AGBL1: variants seen among roughly 807,000 people sequenced by gnomAD.
AGBL1 encodes the protein AGBL carboxypeptidase 1.
AGBL1 carries 130 observed loss-of-function variants against 118.9 expected under a neutral mutation model. The observed-to-expected ratio is 1.09, with a 90% CI of 0.95 to 1.26. AGBL1 has a LOEUF of 1.26. Among genes scored for constraint, AGBL1 ranks in the 50% most tolerant of loss-of-function variants. The probability of loss-of-function intolerance (pLI) is 0.00; values close to 1 mark genes in which losing one functional copy is unlikely to be tolerated. For missense variants in AGBL1, 1,584 were observed against 1,298.1 expected (o/e 1.22, Z -3.38); for synonymous variants, 555 against 478.9 (o/e 1.16, Z -2.08).
At chr15:86,972,000 ATT>A in intron 23 of AGBL1, among the ~76,000 whole-genome samples, 1 of 151,898 alleles carries the variant, frequency 6.6e-6, no homozygotes, top group Non-Finnish European at 1.5e-5. Context: ...TTCTGCCATG[ATT>A]CTAAGTTCCC....
At position 86,520,064 on chromosome 15, in the gene AGBL1, T is replaced by C. The variant is rs188055721; in HGVS notation, c.2556-2746T>C. Among the ~76,000 whole-genome samples, 212 of 152,306 alleles carry C rather than the reference T, an allele frequency of 1.4e-3. 4 individuals are homozygous for C. The highest frequency in any genetic ancestry group is 5.0e-3 in the African/African-American group (207 of 41,566). On this transcript the variant is annotated intron_variant, in intron 18 of 22. Coordinates refer to ENST00000614907, the MANE Select transcript of AGBL1 (RefSeq NM_001386094.1). ...ACCACAGCCTCTTGCCTGGAGTTCT[T>C]AGTCAAGACACTTCTCCCTTCCATT...
chr15:86,794,878 G>C (rs1314968318), intron 22 of AGBL1, among the ~76,000 whole-genome samples: 2 of 152,124 alleles, frequency 1.3e-5, no homozygotes, highest in Non-Finnish European at 2.9e-5. Context: ...ATTTTTTCTA[G>C]TTATGTTGAG....
intron 17 of AGBL1, among the ~76,000 whole-genome samples, chr15:86,360,211 C>G (rs1413266251): frequency 6.6e-6 from 1 of 151,480 alleles, no homozygotes; most frequent in Non-Finnish European, 1.5e-5. Flanking sequence ...AAGTAAGCCC[C>G]TTGTATGTCT....
chr15:86,943,734 AGCT>A (rs1159944893), intron 23 of AGBL1, among the ~76,000 whole-genome samples: 2 of 152,202 alleles, frequency 1.3e-5, no homozygotes, highest in Admixed American at 6.5e-5. Flanking sequence ...CTATTGGCAC[AGCT>A]GCTGGCATTT....
chr15:86,466,551 A>T (rs924606939), intron 18 of AGBL1, among the ~76,000 whole-genome samples: 5 of 152,154 alleles, frequency 3.3e-5, no homozygotes, highest in Non-Finnish European at 5.9e-5. Context: ...AGGAGTTGTG[A>T]TCCATTGGAG....
intron 22 of AGBL1, among the ~76,000 whole-genome samples, chr15:86,876,824 G>C (rs1489174212): frequency 2.0e-5 from 3 of 152,146 alleles, no homozygotes; most frequent in African/African-American, 4.8e-5. Context: ...TGTACTTTGG[G>C]CTCCCTAAGT....
chr15:86,261,398 C>A, intron 9 of AGBL1, among the ~76,000 whole-genome samples: 1 of 152,166 alleles, frequency 6.6e-6, no homozygotes, highest in Admixed American at 6.5e-5. Flanking sequence ...GGTGTGTATA[C>A]TGTACCTGAA....
At chr15:86,994,074 A>T (rs1438609101) in intron 24 of AGBL1, among the ~76,000 whole-genome samples, 1 of 152,084 alleles carries the variant, frequency 6.6e-6, no homozygotes, top group Non-Finnish European at 1.5e-5. Flanking sequence ...GCAGGTTCTG[A>T]AGAAGAACTC....
At chr15:86,423,107 T>A (rs2081814592) in intron 18 of AGBL1, among the ~76,000 whole-genome samples, 2 of 152,198 alleles carry the variant, frequency 1.3e-5, no homozygotes, top group South Asian at 4.1e-4. Context: ...ATCATCCTGA[T>A]ACCAAAACCT....
intron 22 of AGBL1, among the ~76,000 whole-genome samples, chr15:86,872,887 G>A (rs1443304055): frequency 6.6e-6 from 1 of 152,160 alleles, no homozygotes; most frequent in Non-Finnish European, 1.5e-5. Context: ...TATATACACA[G>A]CCAATGTGAA....
intron 22 of AGBL1, among the ~76,000 whole-genome samples, chr15:86,896,393 G>C (rs558915627): frequency 2.1e-5 from 3 of 145,210 alleles, no homozygotes; most frequent in Non-Finnish European, 4.5e-5. Flanking sequence ...ATATACCCTG[G>C]GTTTAAAAAA....
At chr15:86,252,059 AC>A (rs766846057) in intron 7 of AGBL1, among the ~76,000 whole-genome samples, 23 of 152,232 alleles carry the variant, frequency 1.5e-4, no homozygotes, top group Non-Finnish European at 3.2e-4. Context: ...GCTAGATCCT[AC>A]CCCAGAGTTT....
intron 19 of AGBL1, among the ~76,000 whole-genome samples, chr15:86,535,194 G>A (rs539847464): frequency 6.6e-6 from 1 of 152,324 alleles, no homozygotes; most frequent in South Asian, 2.1e-4. Context: ...GGTCTGTTTA[G>A]AAGTCAGAAA....
At chr15:86,499,837 G>A (rs1290136738) in intron 18 of AGBL1, among the ~76,000 whole-genome samples, 1 of 151,908 alleles carries the variant, frequency 6.6e-6, no homozygotes, top group Non-Finnish European at 1.5e-5. Flanking sequence ...ACAGTTTCAA[G>A]TGAGCAGCAG....
chr15:86,195,364 C>A (rs1868459557), intron 5 of AGBL1, among the ~76,000 whole-genome samples: 1 of 152,182 alleles, frequency 6.6e-6, no homozygotes, highest in South Asian at 2.1e-4. Flanking sequence ...CATGTGTGTC[C>A]TTGGCTGTAA....
chr15:87,004,595 A>G (rs936454731), intron 24 of AGBL1, among the ~76,000 whole-genome samples: 4 of 152,018 alleles, frequency 2.6e-5, no homozygotes, highest in African/African-American at 9.7e-5. Context: ...TGCACGTGAG[A>G]TGGGTCTCCT....
At chr15:86,869,733 A>G (rs2079692276) in intron 22 of AGBL1, among the ~76,000 whole-genome samples, 1 of 152,212 alleles carries the variant, frequency 6.6e-6, no homozygotes, top group Non-Finnish European at 1.5e-5. Context: ...CAACTATTAC[A>G]CATGCTGACA....
intron 22 of AGBL1, among the ~76,000 whole-genome samples, chr15:86,718,774 A>T (rs572820584): frequency 1.3e-3 from 195 of 152,008 alleles, no homozygotes; most frequent in South Asian, 6.7e-3. Flanking sequence ...GGACTTTTTT[A>T]AAAAAAATTG....
intron 18 of AGBL1, among the ~76,000 whole-genome samples, chr15:86,434,186 A>G: frequency 6.6e-6 from 1 of 152,232 alleles, no homozygotes; most frequent in East Asian, 1.9e-4. Context: ...AACCATCTGG[A>G]TTAATCACCG....
Sources: allele counts gnomAD v4.1 joint callset (sites outside exome capture counted in the v4.1 genomes callset), GRCh38; gene constraint gnomAD v4.1.1; transcripts MANE v1.5; gene names NCBI Gene and HGNC (gene_info 2026-07-23, HGNC 2026-07-21).